Variants in LHFPL6 observed in about 807,000 individuals in gnomAD.
LHFPL6 encodes the protein LHFPL tetraspan subfamily member 6 protein.
LHFPL6 carries 9 observed loss-of-function variants against 20.6 expected under a neutral mutation model. That is an observed-to-expected ratio of 0.44 (90% CI 0.26 to 0.76). LHFPL6 has a LOEUF of 0.76. Ranked by LOEUF, LHFPL6 falls within the 30% of genes least tolerant of loss-of-function variation. The probability of loss-of-function intolerance (pLI) is 0.20; values close to 1 mark genes in which losing one functional copy is unlikely to be tolerated. For missense variants in LHFPL6, 218 were observed against 253.5 expected (o/e 0.86, Z 0.95); for synonymous variants, 105 against 98.7 (o/e 1.06, Z -0.38).
intron 2 of LHFPL6, among the ~76,000 whole-genome samples, chr13:39,440,911 T>A (rs1872106248): frequency 6.6e-6 from 1 of 152,144 alleles, no homozygotes; most frequent in African/African-American, 2.4e-5. Context: ...TGGGAATTTC[T>A]TTGCACAAAC....
chr13:39,360,236 G>A lies in LHFPL6; in HGVS notation c.485-16182C>T, dbSNP rs1210059927. Among the ~76,000 whole-genome samples, 2 of 97,076 alleles carry A rather than the reference G, an allele frequency of 2.1e-5. 1 individual carries two copies. Among genetic ancestry groups the A allele is most frequent in the Non-Finnish European group, 4.9e-5 (2 of 41,064 alleles). 63.7% of individuals were successfully genotyped at this position (97,076 alleles called of 152,430 possible). A position where few individuals can be genotyped will look rare whatever the true frequency, so the allele number is the denominator to read the frequency against. On this transcript the variant is annotated intron_variant, in intron 3 of 3. Coordinates refer to ENST00000379589, the MANE Select transcript of LHFPL6 (RefSeq NM_005780.3). ...GAGTTTCACTGTGTTAGCCAGGATG[G>A]TCTCGATCTCCTGACCTCGTGATCC...
chr13:39,449,130 C>T (rs946620183), intron 2 of LHFPL6, among the ~76,000 whole-genome samples: 4 of 152,200 alleles, frequency 2.6e-5, no homozygotes, highest in South Asian at 4.1e-4. Flanking sequence ...GCTGCATGGG[C>T]CTCCAGCACT....
chr13:39,466,270 G>C (rs904056850), intron 2 of LHFPL6, among the ~76,000 whole-genome samples: 1 of 152,144 alleles, frequency 6.6e-6, no homozygotes, highest in African/African-American at 2.4e-5. Context: ...ATACTCCCAG[G>C]TAGAGAAAAA....
chr13:39,562,563 TATACAC>T (rs1249286552), intron 2 of LHFPL6, among the ~76,000 whole-genome samples: 1 of 137,260 alleles, frequency 7.3e-6, no homozygotes, highest in Non-Finnish European at 1.6e-5. Context: ...TACACATACA[TATACAC>T]ATACATATAT....
At chr13:39,367,327 T>C (rs183174205) in intron 3 of LHFPL6, among the ~76,000 whole-genome samples, 1 of 152,148 alleles carries the variant, frequency 6.6e-6, no homozygotes, top group Non-Finnish European at 1.5e-5. Context: ...AATATATCCA[T>C]GTAACAATCC....
intron 3 of LHFPL6, among the ~76,000 whole-genome samples, chr13:39,359,383 T>A (rs1869817527): frequency 6.6e-6 from 1 of 152,134 alleles, no homozygotes; most frequent in South Asian, 2.1e-4. Context: ...CCTGTATTGA[T>A]CACTGCAGCA....
intron 2 of LHFPL6, among the ~76,000 whole-genome samples, chr13:39,463,146 C>T (rs1010451389): frequency 2.0e-5 from 3 of 152,120 alleles, no homozygotes; most frequent in Non-Finnish European, 2.9e-5. Context: ...GGAAAGATTC[C>T]GGGCTATGGC....
At chr13:39,549,186 T>C (rs1305468226) in intron 2 of LHFPL6, among the ~76,000 whole-genome samples, 1 of 151,986 alleles carries the variant, frequency 6.6e-6, no homozygotes, top group Non-Finnish European at 1.5e-5. Context: ...AAAAAAAAAA[T>C]TGAAATCACA....
chr13:39,436,551 T>C (rs2138410007), intron 2 of LHFPL6, among the ~76,000 whole-genome samples: 1 of 152,336 alleles, frequency 6.6e-6, no homozygotes, highest in African/African-American at 2.4e-5. Context: ...TACATATTTC[T>C]TCTCCATAGC....
rs1370154021 is a variant in LHFPL6 at position 39,562,853 on chromosome 13, T to A, written c.385+37979A>T. ...AGAGCGCCATTCAGTTTTCAATGCT[T>A]CAAAGATTTACACACTCTTCCTATT... On this transcript the variant is annotated intron_variant, in intron 2 of 3. Transcript: ENST00000379589. Among the ~76,000 whole-genome samples the A allele has an allele frequency of 3.3e-5, 5 of 151,976 alleles. No individual in the cohort carries two copies. The South Asian group carries it at 8.3e-4, about 25-fold the overall frequency.
At chr13:39,602,028 G>A (rs1872968038) in intron 1 of LHFPL6, among the ~76,000 whole-genome samples, 1 of 152,124 alleles carries the variant, frequency 6.6e-6, no homozygotes, top group Non-Finnish European at 1.5e-5. Context: ...GCCTGTGTAT[G>A]ACTTATTTTG....
intron 2 of LHFPL6, among the ~76,000 whole-genome samples, chr13:39,456,568 C>T (rs1310337221): frequency 6.6e-6 from 1 of 152,106 alleles, no homozygotes; most frequent in Non-Finnish European, 1.5e-5. Flanking sequence ...ATGTAATCCA[C>T]CATACTAATA....
chr13:39,532,928 T>C (rs1042896146), intron 2 of LHFPL6, among the ~76,000 whole-genome samples: 1 of 152,226 alleles, frequency 6.6e-6, no homozygotes, highest in African/African-American at 2.4e-5. Flanking sequence ...TCAAACATAC[T>C]GTCTTCAAAT....
At chr13:39,539,651 G>A (rs968575818) in intron 2 of LHFPL6, among the ~76,000 whole-genome samples, 1 of 152,214 alleles carries the variant, frequency 6.6e-6, no homozygotes. Context: ...AGGCATAGGT[G>A]AGGTCAGTAT....
intron 2 of LHFPL6, among the ~76,000 whole-genome samples, chr13:39,473,479 G>C (rs1873001891): frequency 6.8e-6 from 1 of 147,472 alleles, no homozygotes; most frequent in South Asian, 2.2e-4. Flanking sequence ...GCCAACGGTA[G>C]TTCAGGTGAA....
intron 2 of LHFPL6, among the ~76,000 whole-genome samples, chr13:39,483,077 T>C (rs1169370985): frequency 6.6e-6 from 1 of 152,246 alleles, no homozygotes; most frequent in Non-Finnish European, 1.5e-5. Context: ...TTTCCCACTT[T>C]GGGAAATTCT....
chr13:39,522,711 C>T (rs1313491959), intron 2 of LHFPL6, among the ~76,000 whole-genome samples: 1 of 152,220 alleles, frequency 6.6e-6, no homozygotes, highest in African/African-American at 2.4e-5. Context: ...ATGGTTTATA[C>T]ATAATGATCT....
intron 2 of LHFPL6, among the ~76,000 whole-genome samples, chr13:39,577,617 G>A (rs945171866): frequency 6.6e-6 from 1 of 151,972 alleles, no homozygotes; most frequent in Non-Finnish European, 1.5e-5. Flanking sequence ...GGTGGCTTAT[G>A]AGTATCTTTC....
chr13:39,374,292 A>G (rs557602447), intron 3 of LHFPL6, among the ~76,000 whole-genome samples: 4 of 152,290 alleles, frequency 2.6e-5, no homozygotes, highest in African/African-American at 7.2e-5. Flanking sequence ...CAAATATTGC[A>G]TGTTCTCATT....
Sources: allele counts gnomAD v4.1 joint callset (sites outside exome capture counted in the v4.1 genomes callset), GRCh38; gene constraint gnomAD v4.1.1; transcripts MANE v1.5; gene names NCBI Gene and HGNC (gene_info 2026-07-23, HGNC 2026-07-21).